PRKCI: variants seen among roughly 807,000 people sequenced by gnomAD.
The protein encoded by PRKCI is protein kinase C iota, also known as protein kinase C iota type.
In PRKCI, 43 loss-of-function variants were observed where a neutral mutation model predicts 84.0. The ratio of observed to expected loss-of-function variants is 0.51; its 90% CI spans 0.40 to 0.66. The LOEUF (loss-of-function observed/expected upper bound fraction) is 0.66. PRKCI is among the 30% of genes least tolerant of loss of function. The pLI is 0.00. For missense variants in PRKCI, 459 were observed against 745.6 expected (o/e 0.62, Z 4.48); for synonymous variants, 216 against 234.4 (o/e 0.92, Z 0.72).
rs1734888975 is a variant in PRKCI at position 170,303,920 on chromosome 3, C to T, written c.*793C>T. On this transcript the variant is annotated 3_prime_UTR_variant, in exon 18 of 18. Transcript: ENST00000295797. ...GCTGAAACAGGAGAATCGCTTGAAC[C>T]CAGGAGATGGAGTTGGCAGTGAGCC... The T allele has an allele frequency of 5.9e-6, 1 of 168,614 alleles. No homozygotes were observed. The highest frequency in any genetic ancestry group is 2.4e-5 in the African/African-American group (1 of 41,924). The allele number at this position is 168,614 out of a possible 1,614,324, so 10.4% of individuals were successfully genotyped here.
At position 170,258,458 on chromosome 3, in the gene PRKCI, A is replaced by T. The variant is rs144360907; in HGVS notation, c.224-1511A>T. Among the ~76,000 whole-genome samples the T allele has an allele frequency of 1.2e-3, 175 of 151,798 alleles. 3 individuals carry two copies. The East Asian group carries it at 0.031, about 27-fold the overall frequency. ...GTAGCTGGGACTGCAGGCACACACC[A>T]CTGTGCCTGGCTAATTTTTGTATTT... On this transcript the variant is annotated intron_variant, in intron 2 of 17. Coordinates refer to ENST00000295797, the MANE Select transcript of PRKCI (RefSeq NM_002740.6).
intron 2 of PRKCI, among the ~76,000 whole-genome samples, chr3:170,239,590 AT>A (rs1733068390): frequency 1.3e-5 from 2 of 152,162 alleles, no homozygotes; most frequent in African/African-American, 4.8e-5. Context: ...CCTTTGTATT[AT>A]CCTTGCCTGG....
At chr3:170,233,061 A>T (rs1324065934) in intron 1 of PRKCI, among the ~76,000 whole-genome samples, 1 of 151,840 alleles carries the variant, frequency 6.6e-6, no homozygotes, top group Non-Finnish European at 1.5e-5. Flanking sequence ...TGAATACTCT[A>T]GTCCCCCAAA....
intron 4 of PRKCI, among the ~76,000 whole-genome samples, chr3:170,267,402 G>A (rs1224830760): frequency 2.6e-5 from 4 of 152,084 alleles, no homozygotes; most frequent in South Asian, 4.2e-4. Context: ...GGCCGGGCGC[G>A]TTGGCTCACG....
At chr3:170,284,698 T>G (rs1169695306) in intron 12 of PRKCI, 102 bp downstream of exon 12, 3 of 1,334,906 alleles carry the variant, frequency 2.2e-6, no homozygotes, top group African/African-American at 3.0e-5. Context: ...CTAATTTTGC[T>G]AATTTACTTA....
At chr3:170,251,724 A>C (rs1469424181) in intron 2 of PRKCI, among the ~76,000 whole-genome samples, 2 of 151,970 alleles carry the variant, frequency 1.3e-5, no homozygotes, top group African/African-American at 4.8e-5. Context: ...AGCCAGGCCA[A>C]CATGGTGAAA....
At position 170,225,456 on chromosome 3, in the gene PRKCI, C is replaced by G. The variant is rs1313046717; in HGVS notation, c.101+2686C>G. Among the ~76,000 whole-genome samples, 2 of 152,128 alleles carry G rather than the reference C, an allele frequency of 1.3e-5. 1 individual carries two copies. The highest frequency in any genetic ancestry group is 2.9e-5 in the Non-Finnish European group (2 of 68,024). ...CTGATTTTAAAATAGAAAATCCTTC[C>G]TTTATACCAAGAAATGTGAGAACAT... On this transcript the variant is annotated intron_variant, in intron 1 of 17. Transcript: ENST00000295797.
chr3:170,299,797 G>A (rs1500111), intron 17 of PRKCI, among the ~76,000 whole-genome samples: 45,996 of 152,012 alleles, frequency 0.3, 8,393 homozygotes, highest in Middle Eastern at 0.49. Flanking sequence ...TTTCTACCAC[G>A]CTGCACTGTT....
intron 12 of PRKCI, among the ~76,000 whole-genome samples, chr3:170,290,904 G>A (rs146191098): frequency 2.3e-3 from 347 of 152,174 alleles, no homozygotes; most frequent in Non-Finnish European, 3.4e-3. Flanking sequence ...TTGGGAGGCC[G>A]AGGTGGGCAG....
intron 11 of PRKCI, among the ~76,000 whole-genome samples, chr3:170,283,957 A>G (rs1229043954): frequency 2.6e-5 from 4 of 152,132 alleles, no homozygotes; most frequent in Non-Finnish European, 5.9e-5. Flanking sequence ...TTATAGTTGT[A>G]GAATATTTTC....
In PRKCI at chr3:170,270,465, A is replaced by G; in HGVS notation, c.495A>G (p.Gly165=). 6.2e-7 allele frequency: 1 copy of G among 1,613,708 alleles called. No homozygotes were observed. Among genetic ancestry groups the G allele is most frequent in the Non-Finnish European group, 8.5e-7 (1 of 1,179,854 alleles). The stretch of plus-strand genomic sequence containing the variant: ...GCACAGACCGAATATGGGGACTTGG[A>G]CGCCAAGGATATAAGTGCATCAACT... ...AICTDRIWGL[G]RQGYKCINCK... The change falls in exon 6 of 18, where the codon GGA becomes GGG. Residue 165 remains glycine, a synonymous_variant. Transcript: ENST00000295797.
chr3:170,238,800 C>T (rs973578203), intron 2 of PRKCI, among the ~76,000 whole-genome samples: 1 of 152,098 alleles, frequency 6.6e-6, no homozygotes, highest in Non-Finnish European at 1.5e-5. Context: ...CCATGTTGGC[C>T]AGGCTGGTCT....
At chr3:170,261,459 TAAAA>T (rs1192417978) in intron 3 of PRKCI, among the ~76,000 whole-genome samples, 1 of 128,038 alleles carries the variant, frequency 7.8e-6, no homozygotes, top group Admixed American at 7.6e-5. Flanking sequence ...GTTTTTTTTT[TAAAA>T]AAAAAAAAAA....
At chr3:170,243,889 A>C (rs1163625823) in intron 2 of PRKCI, among the ~76,000 whole-genome samples, 1 of 152,092 alleles carries the variant, frequency 6.6e-6, no homozygotes, top group South Asian at 2.1e-4. Context: ...TCTTTTACAC[A>C]CCAGGCTGTC....
At chr3:170,286,222 C>T (rs970287756) in intron 12 of PRKCI, among the ~76,000 whole-genome samples, 4 of 152,118 alleles carry the variant, frequency 2.6e-5, no homozygotes, top group South Asian at 2.1e-4. Flanking sequence ...CCACCATGCC[C>T]GGCCCTTACG....
intron 2 of PRKCI, among the ~76,000 whole-genome samples, chr3:170,247,833 A>G (rs1038250968): frequency 6.6e-6 from 1 of 152,086 alleles, no homozygotes; most frequent in African/African-American, 2.4e-5. Context: ...AGAAAAAGGA[A>G]GCAACAAGCC....
At chr3:170,268,447 T>C (rs1733917030) in intron 5 of PRKCI, among the ~76,000 whole-genome samples, 1 of 141,194 alleles carries the variant, frequency 7.1e-6, no homozygotes, top group South Asian at 2.2e-4. Flanking sequence ...GCCACTGCAC[T>C]CCAGCCTGGG....
intron 12 of PRKCI, among the ~76,000 whole-genome samples, chr3:170,290,692 T>A (rs766910099): frequency 3.9e-5 from 6 of 152,180 alleles, no homozygotes; most frequent in Non-Finnish European, 4.4e-5. Context: ...AATTTTGTCC[T>A]TTTTTACTCT....
chr3:170,293,535 C>A, intron 14 of PRKCI, 27 bp downstream of exon 14: 1 of 1,605,268 alleles, frequency 6.2e-7, no homozygotes. Flanking sequence ...TACAGAGATT[C>A]TCTGAGAAAA....
Sources: allele counts gnomAD v4.1 joint callset (sites outside exome capture counted in the v4.1 genomes callset), GRCh38; gene constraint gnomAD v4.1.1; transcripts MANE v1.5; gene names NCBI Gene and HGNC (gene_info 2026-07-23, HGNC 2026-07-21).